The following CEP43 variants were observed in gnomAD, a reference collection of about 807,000 sequenced individuals.
The protein encoded by CEP43 is FGFR1 oncogene partner.
CEP43 carries 36 observed loss-of-function variants against 52.6 expected under a neutral mutation model. The ratio of observed to expected loss-of-function variants is 0.68; its 90% CI spans 0.52 to 0.90. The LOEUF (loss-of-function observed/expected upper bound fraction) is 0.90. CEP43 is among the 40% of genes least tolerant of loss of function. CEP43 has a pLI of 0.00. For missense variants in CEP43, 506 were observed against 472.8 expected (o/e 1.07, Z -0.65); for synonymous variants, 192 against 172.4 (o/e 1.11, Z -0.89).
intron 10 of CEP43, chr6:167,028,244 T>C: frequency 1.0e-6 from 1 of 985,470 alleles, no homozygotes; most frequent in Non-Finnish European, 1.2e-6. Flanking sequence ...AGCGAGGGTT[T>C]TCCCTCCTGT....
chr6:167,051,746 A>C lies in CEP43; in HGVS notation c.*11768A>C, dbSNP rs1780873055. ...AGTATTTTTTGTCTGTTTGACTTAAAGTCTATTTTGTTTGATATTAGCATA... is the reference window on the plus strand; with the variant it reads ...AGTATTTTTTGTCTGTTTGACTTAACGTCTATTTTGTTTGATATTAGCATA... On this transcript the variant is annotated 3_prime_UTR_variant, in exon 13 of 13. Coordinates refer to ENST00000366847, the MANE Select transcript of CEP43 (RefSeq NM_007045.4). 1 of 152,170 alleles carries C rather than the reference A, an allele frequency of 6.6e-6. No individual in the cohort carries two copies. Among genetic ancestry groups the C allele is most frequent in the Admixed American group, 6.5e-5 (1 of 15,288 alleles). 9.4% of individuals were successfully genotyped at this position (152,170 alleles called of 1,614,324 possible).
chr6:167,022,618 A>G lies in CEP43; in HGVS notation c.789A>G (p.Pro263=). 1 of 1,613,336 alleles carries G rather than the reference A, an allele frequency of 6.2e-7. No homozygotes were observed. The highest frequency in any genetic ancestry group is 8.5e-7 in the Non-Finnish European group (1 of 1,179,358). The change falls in exon 8 of 13, where the codon CCA becomes CCG. Residue 263 remains proline (P), a synonymous_variant. Coordinates refer to ENST00000366847, the MANE Select transcript of CEP43 (RefSeq NM_007045.4). ...TCTTTGATGATCCCATTCCTAAGCC[A>G]GAGAAAACTTACGGTTTGTGAGTAA... ...DSFFDDPIPK[P]EKTYGLRKEP... is the part of the protein sequence containing the mutation.
chr6:167,026,494 G>A (rs1780358722), intron 9 of CEP43, 53 bp from the exon 10 acceptor site: 2 of 1,131,138 alleles, frequency 1.8e-6, no homozygotes, highest in Admixed American at 1.7e-5. Context: ...ATGTGGTTTA[G>A]AGACTGTTAT....
At chr6:167,033,164 G>A (rs1197440487) in intron 11 of CEP43, among the ~76,000 whole-genome samples, 1 of 123,966 alleles carries the variant, frequency 8.1e-6, no homozygotes, top group East Asian at 2.5e-4. Flanking sequence ...ACGCTGGAGT[G>A]CAGTGGTGCG....
chr6:167,017,040 G>A (rs1780117930), intron 7 of CEP43, among the ~76,000 whole-genome samples: 1 of 150,342 alleles, frequency 6.7e-6, no homozygotes, highest in Non-Finnish European at 1.5e-5. Context: ...CTGTCGCCCA[G>A]GCTGGAGTGC....
chr6:167,033,724 G>A, intron 11 of CEP43, 151 bp from the exon 12 acceptor site: 1 of 426,778 alleles, frequency 2.3e-6, no homozygotes, highest in Admixed American at 4.1e-5. Context: ...TATTTTAAGG[G>A]TCAAGCAAGA....
At chr6:167,002,800 G>A (rs552751168) in intron 2 of CEP43, among the ~76,000 whole-genome samples, 56 of 152,346 alleles carry the variant, frequency 3.7e-4, no homozygotes, top group Non-Finnish European at 6.8e-4. Context: ...GATAAACTGG[G>A]AATTACAAGT....
chr6:167,014,567 A>G (rs940912102), intron 7 of CEP43, among the ~76,000 whole-genome samples: 5 of 152,264 alleles, frequency 3.3e-5, no homozygotes, highest in Admixed American at 6.5e-5. Context: ...GGTTATGTAT[A>G]GATTTTTTCA....
intron 10 of CEP43, among the ~76,000 whole-genome samples, chr6:167,029,793 A>C (rs1466375464): frequency 6.6e-6 from 1 of 152,272 alleles, no homozygotes; most frequent in Non-Finnish European, 1.5e-5. Context: ...AAAGAGAGTC[A>C]GCAAAGGGTT....
At chr6:167,000,768 G>A (rs73789733) in intron 2 of CEP43, among the ~76,000 whole-genome samples, 13,281 of 152,210 alleles carry the variant, frequency 0.087, 752 homozygotes, top group African/African-American at 0.15. Flanking sequence ...CCATGTCTGT[G>A]CAGGCATCAG....
At chr6:167,006,489 C>T (rs1033159958) in intron 5 of CEP43, among the ~76,000 whole-genome samples, 4 of 151,512 alleles carry the variant, frequency 2.6e-5, no homozygotes, top group Admixed American at 2.0e-4. Context: ...TCCAGCCTGG[C>T]GACAGAGCGA....
At chr6:167,026,740 GT>G (rs1461412523) in intron 10 of CEP43, 125 bp downstream of exon 10, 1 of 653,646 alleles carries the variant, frequency 1.5e-6, no homozygotes, top group Non-Finnish European at 2.8e-6. Context: ...TTCAGCAGGT[GT>G]TTGAATGGCT....
intron 2 of CEP43, among the ~76,000 whole-genome samples, chr6:167,001,413 G>A (rs751178327): frequency 2.6e-5 from 4 of 152,102 alleles, no homozygotes; most frequent in Non-Finnish European, 5.9e-5. Context: ...TAATACCGCT[G>A]TGGTTTTTTT....
intron 12 of CEP43, among the ~76,000 whole-genome samples, chr6:167,035,271 ATTTT>A: frequency 6.6e-6 from 1 of 152,204 alleles, no homozygotes; most frequent in South Asian, 2.1e-4. Context: ...ATCAGGAAGC[ATTTT>A]CTAAAGCCTT....
intron 10 of CEP43, chr6:167,027,753 A>G: frequency 2.1e-6 from 1 of 485,570 alleles, no homozygotes; most frequent in Non-Finnish European, 2.7e-6. Flanking sequence ...TGTTTTAAAG[A>G]GTAAATAGGA....
At chr6:167,022,684 T>C (rs1483371343) in intron 8 of CEP43, 49 bp downstream of exon 8, 2 of 1,178,456 alleles carry the variant, frequency 1.7e-6, no homozygotes, top group East Asian at 2.4e-5. Context: ...AAAAATAAGA[T>C]AAATGTTTTC....
chr6:167,044,321 G>A lies in CEP43; in HGVS notation c.*4343G>A, dbSNP rs950289342. ...TTTGACTAAAAAATTGTTGGCCTAAGATAATTCAGTAGCAGGGCTGAATAA... is the reference window on the plus strand; with the variant it reads ...TTTGACTAAAAAATTGTTGGCCTAAAATAATTCAGTAGCAGGGCTGAATAA... On this transcript the variant is annotated 3_prime_UTR_variant, in exon 13 of 13. Transcript: ENST00000366847. 2 of 835,666 alleles carry A rather than the reference G, an allele frequency of 2.4e-6. No individual in the cohort carries two copies. Among genetic ancestry groups the A allele is most frequent in the South Asian group, 1.1e-4 (2 of 18,374 alleles). The allele number at this position is 835,666 out of a possible 1,614,324, so 51.8% of individuals were successfully genotyped here.
At chr6:166,999,692 G>T (rs1041875508) in intron 1 of CEP43, 178 bp downstream of exon 1, 4 of 477,430 alleles carry the variant, frequency 8.4e-6, no homozygotes, top group Non-Finnish European at 1.4e-5. Context: ...GGGTCGGCTC[G>T]TTCGTTCGTG....
intron 10 of CEP43, among the ~76,000 whole-genome samples, chr6:167,028,747 T>C (rs1210018462): frequency 1.3e-5 from 2 of 152,210 alleles, no homozygotes; most frequent in Non-Finnish European, 2.9e-5. Context: ...GTCATGCTGC[T>C]TTTAGAGTCC....
Sources: allele counts gnomAD v4.1 joint callset (sites outside exome capture counted in the v4.1 genomes callset), GRCh38; gene constraint gnomAD v4.1.1; transcripts MANE v1.5; gene names NCBI Gene and HGNC (gene_info 2026-07-23, HGNC 2026-07-21).